NAA60: variants seen among roughly 807,000 people sequenced by gnomAD.
NAA60 encodes N-alpha-acetyltransferase 60.
A neutral mutation model predicts 26.1 loss-of-function variants in NAA60; 8 were observed. The ratio of observed to expected loss-of-function variants is 0.31; its 90% CI spans 0.18 to 0.55. The LOEUF (loss-of-function observed/expected upper bound fraction) is 0.55, where lower values mean the gene tolerates loss of function less well. Among genes scored for constraint, NAA60 ranks in the 20% least tolerant of loss-of-function variants. NAA60 has a pLI of 0.93. For missense variants in NAA60, 290 were observed against 311.3 expected (o/e 0.93, Z 0.51); for synonymous variants, 131 against 122.5 (o/e 1.07, Z -0.46).
chr16:3,448,115 G>A (rs3207360), intron 1 of NAA60, among the ~76,000 whole-genome samples: 1 of 151,636 alleles, frequency 6.6e-6, no homozygotes. Flanking sequence ...AGAGAAGAAA[G>A]GATGGGTTGG....
At chr16:3,463,971 G>A (rs541917418) in intron 2 of NAA60, among the ~76,000 whole-genome samples, 6 of 152,354 alleles carry the variant, frequency 3.9e-5, no homozygotes, top group African/African-American at 1.4e-4. Flanking sequence ...GATACAGAAT[G>A]GAACCGTCTG....
chr16:3,475,798 GA>G (rs2036442658), intron 2 of NAA60, among the ~76,000 whole-genome samples: 2 of 152,344 alleles, frequency 1.3e-5, no homozygotes, highest in South Asian at 4.1e-4. Context: ...TTTGAAGGGG[GA>G]TGAGGCATGG....
At chr16:3,448,265 C>A (rs2034632876) in intron 1 of NAA60, among the ~76,000 whole-genome samples, 1 of 116,070 alleles carries the variant, frequency 8.6e-6, no homozygotes, top group Non-Finnish European at 1.7e-5. Flanking sequence ...CAGAGCAAGA[C>A]CTTGTCTCAA....
intron 2 of NAA60, among the ~76,000 whole-genome samples, chr16:3,471,333 C>T (rs901325258): frequency 9.9e-5 from 15 of 151,998 alleles, no homozygotes. Flanking sequence ...AACCCCATCT[C>T]TACTAAAAAT....
At chr16:3,469,561 G>A (rs2150987228) in intron 2 of NAA60, among the ~76,000 whole-genome samples, 1 of 123,242 alleles carries the variant, frequency 8.1e-6, no homozygotes, top group African/African-American at 2.9e-5. Context: ...GCTCAGAGCA[G>A]AGAGCACCTG....
chr16:3,457,954 C>T (rs908295902), intron 2 of NAA60: 6 of 984,100 alleles, frequency 6.1e-6, no homozygotes, highest in Non-Finnish European at 7.2e-6. Context: ...GCGCCGGCCT[C>T]AGGGGGCGGG....
At chr16:3,477,421 G>A (rs919664666) in intron 3 of NAA60, among the ~76,000 whole-genome samples, 9 of 152,322 alleles carry the variant, frequency 5.9e-5, no homozygotes, top group African/African-American at 1.9e-4. Flanking sequence ...TTGGCAGGGC[G>A]GTGGCAGGGA....
At chr16:3,454,591 C>G (rs1412477717) in intron 2 of NAA60, among the ~76,000 whole-genome samples, 1 of 152,006 alleles carries the variant, frequency 6.6e-6, no homozygotes, top group Admixed American at 6.6e-5. Flanking sequence ...AACTGAGTAG[C>G]CTGTTAGATC....
rs928461711 is a variant in NAA60 at position 3,443,858 on chromosome 16, C to T, written c.-77+21C>T. On this transcript the variant is annotated intron_variant, in intron 1 of 7. Transcript: ENST00000407558. ...AAAATGTGGGTTCGGCCAACAGTGC[C>T]CTGTAGGCCTGAAATTTCGGTCTGG... is the stretch of plus-strand genomic sequence containing the variant. The T allele has an allele frequency of 4.6e-6, 7 of 1,528,200 alleles. No homozygotes were observed. In the Admixed American group the frequency reaches 6.0e-5, roughly 13 times the overall value. The allele number at this position is 1,528,200 out of a possible 1,614,324, so 94.7% of individuals were successfully genotyped here.
intron 2 of NAA60, among the ~76,000 whole-genome samples, chr16:3,474,925 T>C (rs902778093): frequency 3.9e-5 from 6 of 152,146 alleles, no homozygotes; most frequent in Non-Finnish European, 5.9e-5. Context: ...GCAGCATCTT[T>C]TCCCATTTAT....
chr16:3,446,619 G>GTT lies in NAA60; in HGVS notation c.-76-1840_-76-1839dup, dbSNP rs34330542. Among the ~76,000 whole-genome samples, 303 of 138,674 alleles carry GTT rather than the reference G, an allele frequency of 2.2e-3. 1 individual carries two copies. The highest frequency in any genetic ancestry group is 5.3e-3 in the African/African-American group (201 of 37,580). The allele number at this position is 138,674 out of a possible 152,430, so 91.0% of individuals were successfully genotyped here. On this transcript the variant is annotated intron_variant, in intron 1 of 7. Coordinates refer to ENST00000407558, the MANE Select transcript of NAA60 (RefSeq NM_001083601.3). ...CACCACTATTTACTCTTTATTATTT[G>GTT]TTTTTTTTTTTTTGAGACAGTCTCA...
chr16:3,443,827 G>T lies in NAA60; in HGVS notation c.-87G>T. ...AGACACCGGAACTCGAAAGAAAATC[G>T]GTAACAAAATGTGGGTTCGGCCAAC... On this transcript the variant is annotated 5_prime_UTR_variant, in exon 1 of 8. Coordinates refer to ENST00000407558, the MANE Select transcript of NAA60 (RefSeq NM_001083601.3). The T allele has an allele frequency of 6.5e-7, 1 of 1,534,562 alleles. No individual in the cohort carries two copies. Among genetic ancestry groups the T allele is most frequent in the Non-Finnish European group, 8.7e-7 (1 of 1,146,346 alleles).
At chr16:3,470,179 T>C (rs2036036618) in intron 2 of NAA60, among the ~76,000 whole-genome samples, 1 of 152,182 alleles carries the variant, frequency 6.6e-6, no homozygotes, top group African/African-American at 2.4e-5. Context: ...GCATCAGAAT[T>C]GGCCATTGCC....
intron 2 of NAA60, among the ~76,000 whole-genome samples, chr16:3,462,106 C>T (rs1005017622): frequency 1.2e-4 from 11 of 89,624 alleles, no homozygotes; most frequent in Non-Finnish European, 1.8e-4. Context: ...AAAAAAAAAA[C>T]CTTTCAGTGC....
At chr16:3,458,118 C>G (rs960183945) in intron 2 of NAA60, 11 of 985,170 alleles carry the variant, frequency 1.1e-5, no homozygotes, top group East Asian at 1.1e-4. Context: ...CTTCCCGGCT[C>G]CCTTCGCCTC....
At chr16:3,465,721 G>C (rs920544268) in intron 2 of NAA60, among the ~76,000 whole-genome samples, 2 of 152,158 alleles carry the variant, frequency 1.3e-5, no homozygotes, top group African/African-American at 2.4e-5. Context: ...CACTTTTCAT[G>C]TTTGCCGTGA....
chr16:3,445,274 C>CTTTT lies in NAA60; in HGVS notation c.-77+1438_-77+1439insTTTT, dbSNP rs1452284919. 4.0e-5 allele frequency among the ~76,000 whole-genome samples: 5 copies of CTTTT among 125,528 alleles called. 1 individual carries two copies. The highest frequency in any genetic ancestry group is 8.1e-5 in the Non-Finnish European group (5 of 61,856). The allele number at this position is 125,528 out of a possible 152,430, so 82.4% of individuals were successfully genotyped here. A position where few individuals can be genotyped will look rare whatever the true frequency, so the allele number is the denominator to read the frequency against. ...CTTTCCCTTCTTGGTTTGTGCTTAT[C>CTTTT]TCTTTTTTTTTTTTTTTTTTGAGAC... On this transcript the variant is annotated intron_variant, in intron 1 of 7. Coordinates refer to ENST00000407558, the MANE Select transcript of NAA60 (RefSeq NM_001083601.3).
intron 2 of NAA60, among the ~76,000 whole-genome samples, chr16:3,465,855 C>G (rs1207931099): frequency 6.6e-6 from 1 of 152,132 alleles, no homozygotes; most frequent in East Asian, 1.9e-4. Context: ...CTGCTGAGAC[C>G]CCGATACCCA....
chr16:3,461,474 G>A lies in NAA60; in HGVS notation c.-7+12934G>A, dbSNP rs75981721. Among the ~76,000 whole-genome samples, 897 of 152,280 alleles carry A rather than the reference G, an allele frequency of 5.9e-3. 14 individuals carry two copies. Among genetic ancestry groups the A allele is most frequent in the African/African-American group, 0.02 (833 of 41,544 alleles). On this transcript the variant is annotated intron_variant, in intron 2 of 7. Transcript: ENST00000407558. ...GTCCCACCTTGTCAGCAGCTCAGAC[G>A]GGATTCCCCATCTCTATCTCAGCCA... is the stretch of plus-strand genomic sequence containing the variant.
Sources: allele counts gnomAD v4.1 joint callset (sites outside exome capture counted in the v4.1 genomes callset), GRCh38; gene constraint gnomAD v4.1.1; transcripts MANE v1.5; gene names NCBI Gene and HGNC (gene_info 2026-07-23, HGNC 2026-07-21).